CCSER1: variants seen among roughly 807,000 people sequenced by gnomAD.
The protein encoded by CCSER1 is coiled-coil serine rich protein 1, also known as serine-rich coiled-coil domain-containing protein 1.
Under a neutral mutation model 82.0 loss-of-function variants are expected in CCSER1, and 41 were observed. The ratio of observed to expected loss-of-function variants is 0.50; its 90% CI spans 0.39 to 0.65. The LOEUF is 0.65. CCSER1 is among the 30% of genes least tolerant of loss of function. CCSER1 has a pLI of 0.00. For synonymous variants in CCSER1, 414 were observed against 383.9 expected (o/e 1.08, Z -0.92); for missense variants, 1,119 against 1,064.2 (o/e 1.05, Z -0.72).
At chr4:91,507,418 A>G (rs975415583) in intron 10 of CCSER1, among the ~76,000 whole-genome samples, 2 of 151,910 alleles carry the variant, frequency 1.3e-5, no homozygotes, top group Non-Finnish European at 2.9e-5. Flanking sequence ...CCATTTGCAT[A>G]TCTTTTATTT....
At chr4:90,834,763 C>A (rs556518427) in intron 8 of CCSER1, among the ~76,000 whole-genome samples, 3 of 152,110 alleles carry the variant, frequency 2.0e-5, no homozygotes, top group South Asian at 2.1e-4. Flanking sequence ...ACGGAAAGGG[C>A]GACAATAAAA....
At chr4:90,627,947 A>G in intron 5 of CCSER1, 78 bp from the exon 6 acceptor site, 1 of 1,050,272 alleles carries the variant, frequency 9.5e-7, no homozygotes, top group Non-Finnish European at 1.5e-6. Context: ...GATACTAGAA[A>G]CATTGATTAA....
At position 90,607,286 on chromosome 4, in the gene CCSER1, T is replaced by C. The variant is rs1402457505; in HGVS notation, c.1725-20739T>C. On this transcript the variant is annotated intron_variant, in intron 5 of 10. Coordinates refer to ENST00000509176, the MANE Select transcript of CCSER1 (RefSeq NM_001145065.2). ...TCAATATTTAATAGAATAAATCTTA[T>C]GTGTTAAAATGTTCTCATTCCTGAA... 5.3e-5 allele frequency among the ~76,000 whole-genome samples: 8 copies of C among 152,200 alleles called. No individual in the cohort carries two copies. The South Asian group carries it at 1.7e-3, about 31-fold the overall frequency.
At chr4:91,298,859 C>T (rs181696660) in intron 10 of CCSER1, among the ~76,000 whole-genome samples, 1 of 152,078 alleles carries the variant, frequency 6.6e-6, no homozygotes, top group East Asian at 1.9e-4. Flanking sequence ...TAGCTGACTA[C>T]ATAGTTCCCA....
Position 90,185,904 on chromosome 4 carries a change from G to C in CCSER1, c.-42+58073G>C, listed in dbSNP as rs565462103. Among the ~76,000 whole-genome samples the C allele has an allele frequency of 5.3e-5, 8 of 152,134 alleles. No homozygotes were observed. The East Asian group carries it at 1.4e-3, about 26-fold the overall frequency. ...CCTCATTAGAGACCAATCTAACACA[G>C]ATAACATGGTACTTTTTTGATGGCA... On this transcript the variant is annotated intron_variant, in intron 1 of 10. Transcript: ENST00000509176.
At chr4:91,130,831 C>G (rs1382705571) in intron 10 of CCSER1, among the ~76,000 whole-genome samples, 1 of 151,618 alleles carries the variant, frequency 6.6e-6, no homozygotes, top group Non-Finnish European at 1.5e-5. Flanking sequence ...AAGATCTGTA[C>G]ATAAGACAAA....
At chr4:91,152,607 CTA>C (rs1251836832) in intron 10 of CCSER1, among the ~76,000 whole-genome samples, 1 of 152,094 alleles carries the variant, frequency 6.6e-6, no homozygotes, top group Non-Finnish European at 1.5e-5. Context: ...CAGTTTCTTC[CTA>C]GCATCAATGG....
At chr4:90,613,741 A>G (rs58937004) in intron 5 of CCSER1, among the ~76,000 whole-genome samples, 2,017 of 152,304 alleles carry the variant, frequency 0.013, 50 homozygotes, top group African/African-American at 0.045. Context: ...AGGAACATAA[A>G]GGAACTGTTA....
Position 91,078,415 on chromosome 4 carries a change from C to T in CCSER1, c.2173-7535C>T, listed in dbSNP as rs188763620. On this transcript the variant is annotated intron_variant, in intron 9 of 10. Transcript: ENST00000509176. ...ACAGAAAGGACATCCACACAAAAAC[C>T]CCATCTGTACGTCACCATCATCAAA... is the stretch of plus-strand genomic sequence containing the variant. 4.6e-3 allele frequency among the ~76,000 whole-genome samples: 706 copies of T among 152,212 alleles called. 7 individuals carry two copies. Among genetic ancestry groups the T allele is most frequent in the Middle Eastern group, 0.027 (8 of 294 alleles).
chr4:91,339,348 T>C (rs1318249676), intron 10 of CCSER1, among the ~76,000 whole-genome samples: 1 of 152,164 alleles, frequency 6.6e-6, no homozygotes, highest in Non-Finnish European at 1.5e-5. Context: ...GATTCCTATA[T>C]AGTTCCTCTT....
At chr4:91,571,223 T>C (rs1002291453) in intron 10 of CCSER1, among the ~76,000 whole-genome samples, 2 of 152,174 alleles carry the variant, frequency 1.3e-5, no homozygotes, top group Non-Finnish European at 2.9e-5. Context: ...CCTCCAACTT[T>C]CTAGGACATT....
In CCSER1 at chr4:91,361,486, G is replaced by T. The variant is rs1474662457; in HGVS notation, c.2218-237086G>T. Among the ~76,000 whole-genome samples the T allele has an allele frequency of 1.7e-4, 26 of 151,754 alleles. 1 individual carries two copies. The highest frequency in any genetic ancestry group is 1.7e-3 in the Admixed American group (26 of 15,176). ...TAACTAATGTAATAATAATGGGAAT[G>T]GATGAAAGTAAAACAATATGTGACA... On this transcript the variant is annotated intron_variant, in intron 10 of 10. Transcript: ENST00000509176.
intron 4 of CCSER1, among the ~76,000 whole-genome samples, chr4:90,401,271 TTTTA>T (rs1752835193): frequency 6.6e-6 from 1 of 152,228 alleles, no homozygotes; most frequent in Non-Finnish European, 1.5e-5. Context: ...ATTTTCACAC[TTTTA>T]TGCAGATGGT....
intron 10 of CCSER1, among the ~76,000 whole-genome samples, chr4:91,363,028 T>C (rs2149314532): frequency 6.6e-6 from 1 of 151,908 alleles, no homozygotes; most frequent in African/African-American, 2.4e-5. Context: ...ATTGCTGGCT[T>C]AGGCTCCCAA....
chr4:90,179,007 C>T (rs1161232569), intron 1 of CCSER1, among the ~76,000 whole-genome samples: 1 of 152,070 alleles, frequency 6.6e-6, no homozygotes, highest in African/African-American at 2.4e-5. Flanking sequence ...AAACACACAC[C>T]ATACATCCTC....
chr4:90,702,748 G>C (rs113795638), intron 6 of CCSER1, among the ~76,000 whole-genome samples: 7,835 of 152,160 alleles, frequency 0.051, 466 homozygotes, highest in African/African-American at 0.15. Flanking sequence ...AGATTTTCTA[G>C]TTCATTTGTG....
intron 6 of CCSER1, among the ~76,000 whole-genome samples, chr4:90,682,009 A>G (rs553792271): frequency 3.3e-4 from 50 of 152,116 alleles, no homozygotes; most frequent in African/African-American, 1.1e-3. Context: ...AAGAAAAAAA[A>G]ATAACTTTTT....
chr4:91,421,359 G>A (rs1031391048), intron 10 of CCSER1, among the ~76,000 whole-genome samples: 17 of 152,262 alleles, frequency 1.1e-4, no homozygotes, highest in Admixed American at 2.0e-4. Context: ...CATAACTCTC[G>A]TCCAAGGCTG....
At chr4:91,500,256 C>T (rs1759138167) in intron 10 of CCSER1, among the ~76,000 whole-genome samples, 2 of 151,980 alleles carry the variant, frequency 1.3e-5, no homozygotes, top group South Asian at 4.1e-4. Flanking sequence ...GCTTACTTGC[C>T]ATCTCTAGAT....
Sources: gnomAD v4.1 joint callset for allele counts (sites outside exome capture counted in the v4.1 genomes callset) on GRCh38, gnomAD v4.1.1 for gene constraint, MANE v1.5 for transcripts, NCBI Gene and HGNC (gene_info 2026-07-23, HGNC 2026-07-21) for gene names.